The following ANK1 variants were observed in gnomAD, a reference collection of about 807,000 sequenced individuals.
ANK1 encodes the protein ankyrin-1.
A neutral mutation model predicts 210.4 loss-of-function variants in ANK1; 51 were observed. The observed-to-expected ratio is 0.24, with a 90% confidence interval of 0.19 to 0.31. ANK1 has a LOEUF of 0.31. ANK1 is among the 10% of genes least tolerant of loss of function. The pLI, the probability that ANK1 is intolerant of heterozygous loss-of-function variation, is 1.00. For missense variants in ANK1, 2,051 were observed against 2,504.4 expected (o/e 0.82, Z 3.86); for synonymous variants, 967 against 1,025.9 (o/e 0.94, Z 1.10).
At chr8:41,819,747 C>T (rs1803895098) in intron 1 of ANK1, among the ~76,000 whole-genome samples, 1 of 152,246 alleles carries the variant, frequency 6.6e-6, no homozygotes, top group Non-Finnish European at 1.5e-5. Context: ...CACTGGCCTC[C>T]TGACACAAGC....
chr8:41,679,096 TAATTC>T (rs1205411437), intron 37 of ANK1, among the ~76,000 whole-genome samples: 2 of 152,230 alleles, frequency 1.3e-5, no homozygotes, highest in Non-Finnish European at 2.9e-5. Flanking sequence ...CTTTGTCTGC[TAATTC>T]TAACATCTTT....
intron 1 of ANK1, among the ~76,000 whole-genome samples, chr8:41,854,662 G>T (rs1349965866): frequency 6.6e-6 from 1 of 152,202 alleles, no homozygotes. Context: ...AGAATGCGCT[G>T]GTCGTGGTGG....
intron 1 of ANK1, among the ~76,000 whole-genome samples, chr8:41,761,940 C>A (rs917709987): frequency 6.6e-6 from 1 of 152,002 alleles, no homozygotes; most frequent in Non-Finnish European, 1.5e-5. Flanking sequence ...TCCCAGCCAA[C>A]CTCCTCCATC....
rs373292524 is a variant in ANK1 at position 41,672,391 on chromosome 8, G to A, written c.5059C>T (p.Pro1687Ser). The A allele has an allele frequency of 3.7e-6, 6 of 1,614,054 alleles. No individual in the cohort carries two copies. In the East Asian group the frequency reaches 1.3e-4, roughly 36 times the overall value. ...QRGQARITHS[P>S]TVSQVTERSQ... ...CTCTCCGTCACCTGACTCACGGTGG[G>A]GGAATGTGTGATTCGGGCTTGCCCC... The change falls in exon 38 of 43, where the codon CCC becomes TCC. Residue 1687 changes from proline to serine, a missense_variant. Coordinates refer to ENST00000289734, the MANE Select transcript of ANK1 (RefSeq NM_000037.4).
intron 20 of ANK1, 110 bp from the exon 21 acceptor site, chr8:41,702,254 G>T: frequency 1.2e-6 from 1 of 858,124 alleles, no homozygotes; most frequent in Non-Finnish European, 1.9e-6. Flanking sequence ...AGGAGGACCT[G>T]AGTGGACAGA....
At chr8:41,711,372 G>A (rs1246409551) in intron 16 of ANK1, among the ~76,000 whole-genome samples, 1 of 152,244 alleles carries the variant, frequency 6.6e-6, no homozygotes, top group Non-Finnish European at 1.5e-5. Flanking sequence ...AGGGAGGTTG[G>A]ACACGCCTTG....
In ANK1 at chr8:41,682,079, C is replaced by T. The variant is rs528168845; in HGVS notation, c.4537+2465G>A. 5.3e-5 allele frequency among the ~76,000 whole-genome samples: 8 copies of T among 152,348 alleles called. No homozygotes were observed. The South Asian group carries it at 8.3e-4, about 16-fold the overall frequency. On this transcript the variant is annotated intron_variant, in intron 37 of 42. Coordinates refer to ENST00000289734, the MANE Select transcript of ANK1 (RefSeq NM_000037.4). ...CTCTTTGGCCAGAACCCTCTGATGG[C>T]TTTCCAGCTTACTCCAAGTCAAACC...
At chr8:41,701,795 G>A (rs991397791) in intron 21 of ANK1, among the ~76,000 whole-genome samples, 173 bp from the exon 22 acceptor site, 8 of 152,216 alleles carry the variant, frequency 5.3e-5, no homozygotes, top group African/African-American at 1.2e-4. Flanking sequence ...CGGGACCCGG[G>A]AAAACTGGCT....
intron 39 of ANK1, among the ~76,000 whole-genome samples, chr8:41,666,017 G>T (rs1230441855): frequency 1.3e-5 from 2 of 152,232 alleles, no homozygotes; most frequent in Non-Finnish European, 2.9e-5. Flanking sequence ...GTTCCTCTCT[G>T]AGTGGCAATG....
chr8:41,836,441 G>A (rs1359068278), intron 1 of ANK1, among the ~76,000 whole-genome samples: 3 of 152,216 alleles, frequency 2.0e-5, no homozygotes, highest in African/African-American at 7.2e-5. Context: ...GTGGCTGCAG[G>A]CACCCTGCTG....
chr8:41,822,812 C>T (rs11990864), intron 1 of ANK1, among the ~76,000 whole-genome samples: 1,830 of 152,302 alleles, frequency 0.012, 48 homozygotes, highest in African/African-American at 0.042. Flanking sequence ...TGGTCAAGAG[C>T]CAGCAGTAAG....
At chr8:41,656,784 G>T (rs1371432363) in intron 42 of ANK1, among the ~76,000 whole-genome samples, 1 of 152,164 alleles carries the variant, frequency 6.6e-6, no homozygotes, top group Admixed American at 6.5e-5. Flanking sequence ...GGTTGGGGAG[G>T]AGTGTTGGAA....
upstream of ANK1, among the ~76,000 whole-genome samples, chr8:41,799,423 G>A (rs928033237): frequency 4.6e-5 from 7 of 152,128 alleles, no homozygotes; most frequent in Non-Finnish European, 2.9e-5. Flanking sequence ...GAACGAACCC[G>A]TGGTTGTCAC....
Position 41,704,184 on chromosome 8 carries a change from A to T in ANK1, c.2197-45T>A, listed in dbSNP as rs768167690. 1 of 1,536,750 alleles carries T rather than the reference A, an allele frequency of 6.5e-7. No individual in the cohort carries two copies. The highest frequency in any genetic ancestry group is 9.0e-7 in the Non-Finnish European group (1 of 1,110,810). The stretch of plus-strand genomic sequence containing the variant: ...TTAGGCAGGGTTAGCCAGCCACTAG[A>T]CAGAGACCTGCCTACACATGATAGT... On this transcript the variant is annotated intron_variant, in intron 19 of 42. Coordinates refer to ENST00000289734, the MANE Select transcript of ANK1 (RefSeq NM_000037.4). This position sits in a 1 kb window ranked among gnomAD's most constrained non-coding sequence, Gnocchi z 4.1.
chr8:41,712,221 G>A (rs118190414), intron 16 of ANK1, among the ~76,000 whole-genome samples: 5 of 151,952 alleles, frequency 3.3e-5, no homozygotes, highest in Admixed American at 6.6e-5. Context: ...CACCGTGCCC[G>A]GCCCTATTAG....
intron 3 of ANK1, among the ~76,000 whole-genome samples, chr8:41,732,609 C>T (rs897524577): frequency 1.2e-4 from 18 of 151,950 alleles, no homozygotes; most frequent in African/African-American, 1.9e-4. Context: ...GATGGGGTTT[C>T]GCCATGTTGG....
At chr8:41,715,112 G>GGGCT (rs1378748406) in intron 14 of ANK1, 38 bp from the exon 15 acceptor site, 1 of 1,589,566 alleles carries the variant, frequency 6.3e-7, no homozygotes, top group East Asian at 2.2e-5. Context: ...TGGGGCCCCA[G>GGGCT]GGCTGTCCTC....
chr8:41,703,370 ATG>A (rs202101455), intron 20 of ANK1, among the ~76,000 whole-genome samples: 3,017 of 134,988 alleles, frequency 0.022, 45 homozygotes, highest in Non-Finnish European at 0.033. Context: ...TGTGGTATGT[ATG>A]TGTGTGTGTG....
At chr8:41,848,187 AAAAT>A (rs10632156) in intron 1 of ANK1, among the ~76,000 whole-genome samples, 2,172 of 142,942 alleles carry the variant, frequency 0.015, 16 homozygotes, top group African/African-American at 0.027. Flanking sequence ...CTCAATTTCA[AAAAT>A]AAATAAATAA....
Sources: allele counts gnomAD v4.1 joint callset (sites outside exome capture counted in the v4.1 genomes callset), GRCh38; gene constraint gnomAD v4.1.1; non-coding constraint Gnocchi (gnomAD v3.1); transcripts MANE v1.5; gene names NCBI Gene and HGNC (gene_info 2026-07-23, HGNC 2026-07-21).